RNFT2: variants seen among roughly 807,000 people sequenced by gnomAD.
The protein encoded by RNFT2 is ring finger protein, transmembrane 2.
In RNFT2, 36 loss-of-function variants were observed where a neutral mutation model predicts 53.0. The ratio of observed to expected loss-of-function variants is 0.68; its 90% CI spans 0.52 to 0.90. The LOEUF (loss-of-function observed/expected upper bound fraction) is 0.90. Ranked by LOEUF, RNFT2 falls within the 40% of genes least tolerant of loss-of-function variation. The probability of loss-of-function intolerance (pLI) is 0.00; values close to 1 mark genes in which losing one functional copy is unlikely to be tolerated. For missense variants in RNFT2, 514 were observed against 585.6 expected, an observed-to-expected ratio of 0.88 and a Z score of 1.26; for synonymous variants, 260 against 253.2, an observed-to-expected ratio of 1.03 and a Z score of -0.26.
At chr12:116,768,556 C>A (rs896225845) in intron 6 of RNFT2, among the ~76,000 whole-genome samples, 1 of 152,108 alleles carries the variant, frequency 6.6e-6, no homozygotes, top group African/African-American at 2.4e-5. Context: ...TAGCACAGTG[C>A]CTTACTCATG....
chr12:116,783,902 G>A (rs1873817101), intron 7 of RNFT2, among the ~76,000 whole-genome samples: 1 of 152,226 alleles, frequency 6.6e-6, no homozygotes, highest in Non-Finnish European at 1.5e-5. Flanking sequence ...CCGCTTAACC[G>A]TGTACTGGCC....
chr12:116,785,923 A>C (rs1873913702), intron 7 of RNFT2, among the ~76,000 whole-genome samples: 1 of 151,928 alleles, frequency 6.6e-6, no homozygotes, highest in African/African-American at 2.4e-5. Context: ...TGTGGTGTAC[A>C]TGACTGTAGT....
At chr12:116,804,593 T>C (rs1874957026) in intron 7 of RNFT2, among the ~76,000 whole-genome samples, 1 of 152,212 alleles carries the variant, frequency 6.6e-6, no homozygotes, top group Non-Finnish European at 1.5e-5. Context: ...CACAAAAGTT[T>C]CTCTAACACA....
chr12:116,785,520 G>T (rs1386535760), intron 7 of RNFT2, among the ~76,000 whole-genome samples: 2 of 151,982 alleles, frequency 1.3e-5, no homozygotes, highest in Non-Finnish European at 2.9e-5. Context: ...TTGAACTCCT[G>T]GGCTCAAGTG....
intron 6 of RNFT2, among the ~76,000 whole-genome samples, chr12:116,768,099 CTT>C (rs528793630): frequency 2.3e-4 from 30 of 131,834 alleles, no homozygotes; most frequent in Non-Finnish European, 3.1e-4. Context: ...ACAGTTTGGC[CTT>C]TTTTTTTTTT....
rs1209257610 is a variant in RNFT2, at chr12:116,841,838, TATATATAA to T, written c.1200+5564_1200+5571del. ...ATATAAAAATATATATATATAAATATATATATAAATATATATAAAAATATATATATAAA... is the reference window on the plus strand; with the variant it reads ...ATATAAAAATATATATATATAAATATATATATATAAAAATATATATATAAA... On this transcript the variant is annotated intron_variant, in intron 10 of 10. Coordinates refer to ENST00000257575, the MANE Select transcript of RNFT2 (RefSeq NM_001382266.1). 5.5e-3 allele frequency among the ~76,000 whole-genome samples: 122 copies of T among 22,040 alleles called. 2 individuals carry two copies. The highest frequency in any genetic ancestry group is 0.014 in the African/African-American group (72 of 5,046). 14.5% of individuals were successfully genotyped at this position (22,040 alleles called of 152,430 possible).
Position 116,849,840 on chromosome 12 carries a change from C to CCTTA in RNFT2, c.*395_*396insACTT. The CCTTA allele has an allele frequency of 2.1e-5, 3 of 143,990 alleles. No individual in the cohort carries two copies. The highest frequency in any genetic ancestry group is 2.6e-5 in the Non-Finnish European group (3 of 116,998). The allele number at this position is 143,990 out of a possible 1,614,324, so 8.9% of individuals were successfully genotyped here. A position where few individuals can be genotyped will look rare whatever the true frequency, so the allele number is the denominator to read the frequency against. On this transcript the variant is annotated 3_prime_UTR_variant, in exon 11 of 11. Transcript: ENST00000257575. ...TCCCTCCCTCCCTCCTTCCTTCCTT[C>CCTTA]CTTCCTTTTTTTTTTTTTTTTAAAA... is the stretch of plus-strand genomic sequence containing the variant.
intron 6 of RNFT2, among the ~76,000 whole-genome samples, chr12:116,778,911 C>G (rs1873561220): frequency 6.6e-6 from 1 of 152,198 alleles, no homozygotes; most frequent in Non-Finnish European, 1.5e-5. Context: ...CTAAGGTATT[C>G]TGTTATAGCA....
intron 7 of RNFT2, among the ~76,000 whole-genome samples, chr12:116,786,754 G>T (rs4767453): frequency 0.73 from 110,474 of 152,100 alleles, 42,244 homozygotes; most frequent in Non-Finnish European, 0.84. Context: ...AGTTCTGGAA[G>T]CCAGAAATCC....
At chr12:116,759,952 TGGGTA>T (rs1006139188) in intron 5 of RNFT2, among the ~76,000 whole-genome samples, 5 of 151,722 alleles carry the variant, frequency 3.3e-5, no homozygotes, top group African/African-American at 1.2e-4. Context: ...GCTACCAGGG[TGGGTA>T]GGAGGGAAGG....
At position 116,853,000 on chromosome 12, in the gene RNFT2, G is replaced by T. The variant is rs569116234; in HGVS notation, c.*3552G>T. The T allele has an allele frequency of 1.3e-4, 62 of 490,126 alleles. No homozygotes were observed. Among genetic ancestry groups the T allele is most frequent in the East Asian group, 1.1e-3 (36 of 31,992 alleles). 30.4% of individuals were successfully genotyped at this position (490,126 alleles called of 1,614,324 possible). On this transcript the variant is annotated 3_prime_UTR_variant, in exon 11 of 11. Coordinates refer to ENST00000257575, the MANE Select transcript of RNFT2 (RefSeq NM_001382266.1). ...GAATGTAACATGTGGGGGACACACA[G>T]GGGCAGATGGGATGGTTTAGTTTAG...
At chr12:116,795,435 G>T (rs544767749) in intron 7 of RNFT2, among the ~76,000 whole-genome samples, 1 of 151,440 alleles carries the variant, frequency 6.6e-6, no homozygotes, top group South Asian at 2.1e-4. Flanking sequence ...AAAGAAGAAA[G>T]AAAATGAATT....
At chr12:116,785,275 G>GTGTGTGTGTGTGTGT (rs1555261550) in intron 7 of RNFT2, among the ~76,000 whole-genome samples, 5 of 138,180 alleles carry the variant, frequency 3.6e-5, no homozygotes, top group East Asian at 2.2e-4. Context: ...GTGTGTGTGT[G>GTGTGTGTGTGTGTGT]GCGGGGGGGG....
At chr12:116,836,355 C>G in intron 10 of RNFT2, 73 bp downstream of exon 10, 1 of 1,278,622 alleles carries the variant, frequency 7.8e-7, no homozygotes. Context: ...ATGGGCAGTC[C>G]TCGGGTCTCT....
intron 4 of RNFT2, among the ~76,000 whole-genome samples, chr12:116,750,797 G>GTA (rs1373158639): frequency 2.4e-4 from 19 of 77,928 alleles, no homozygotes; most frequent in South Asian, 8.1e-4. Flanking sequence ...ATGTGTGTGT[G>GTA]TATATATATA....
intron 5 of RNFT2, among the ~76,000 whole-genome samples, chr12:116,763,971 G>A (rs898045196): frequency 2.6e-5 from 4 of 152,116 alleles, no homozygotes; most frequent in African/African-American, 7.2e-5. Context: ...ATCAACCAAT[G>A]AGTGGGTAAA....
rs117811162 is a variant in RNFT2, at chr12:116,780,330, T to C, written c.882+982T>C. ...GGGGATGGTTTCGGAATGAAACTGT[T>C]CCACTTCAGATCATCAGGCATTGGA... is the stretch of plus-strand genomic sequence containing the variant. On this transcript the variant is annotated intron_variant, in intron 7 of 10. Transcript: ENST00000257575. Among the ~76,000 whole-genome samples the C allele has an allele frequency of 6.4e-3, 980 of 152,302 alleles. 6 individuals are homozygous for C. The highest frequency in any genetic ancestry group is 0.02 in the Middle Eastern group (6 of 294).
chr12:116,808,529 C>T (rs376986188), intron 7 of RNFT2, among the ~76,000 whole-genome samples: 2 of 152,140 alleles, frequency 1.3e-5, no homozygotes, highest in East Asian at 1.9e-4. Context: ...ATTTCCCACA[C>T]CCCACCCTCT....
intron 5 of RNFT2, among the ~76,000 whole-genome samples, chr12:116,766,140 G>A (rs1872906405): frequency 6.6e-6 from 1 of 151,780 alleles, no homozygotes; most frequent in Non-Finnish European, 1.5e-5. Flanking sequence ...TAATTAGCCA[G>A]GTATAGTGAC....
Sources: gnomAD v4.1 joint callset for allele counts (sites outside exome capture counted in the v4.1 genomes callset) on GRCh38, gnomAD v4.1.1 for gene constraint, MANE v1.5 for transcripts, NCBI Gene and HGNC (gene_info 2026-07-23, HGNC 2026-07-21) for gene names.